Variants in MALRD1 observed in about 807,000 individuals in gnomAD.
MALRD1 encodes the protein MAM and LDL-receptor class A domain-containing protein 1.
Under a neutral mutation model 242.1 loss-of-function variants are expected in MALRD1, and 247 were observed. That is an observed-to-expected ratio of 1.02 (90% CI 0.92 to 1.13). The LOEUF (loss-of-function observed/expected upper bound fraction) is 1.13, where lower values mean the gene tolerates loss of function less well. Ranked by LOEUF, MALRD1 falls within the 50% of genes most tolerant of loss-of-function variation. The probability of loss-of-function intolerance (pLI) is 0.00; values close to 1 mark genes in which losing one functional copy is unlikely to be tolerated. For missense variants in MALRD1, 2,989 were observed against 2,533.1 expected (o/e 1.18, Z -3.86); for synonymous variants, 995 against 866.6 (o/e 1.15, Z -2.60).
chr10:19,610,600 A>G (rs746667103), intron 35 of MALRD1, among the ~76,000 whole-genome samples: 1 of 152,010 alleles, frequency 6.6e-6, no homozygotes, highest in East Asian at 1.9e-4. Context: ...ATGCATACTT[A>G]TCTGGGACAG....
chr10:19,346,529 C>T (rs918526820), intron 24 of MALRD1, among the ~76,000 whole-genome samples: 6 of 152,146 alleles, frequency 3.9e-5, no homozygotes, highest in Admixed American at 3.9e-4. Context: ...ACTTATTTCA[C>T]TTATGATTTT....
chr10:19,130,661 T>TCCAATAC (rs1833063909), intron 8 of MALRD1, among the ~76,000 whole-genome samples: 1 of 150,830 alleles, frequency 6.6e-6, no homozygotes. Flanking sequence ...TGTATTTAAT[T>TCCAATAC]ATGAATGTAT....
Position 19,181,895 on chromosome 10 carries a change from G to A in MALRD1, c.1951+6567G>A, listed in dbSNP as rs186503664. 1.2e-3 allele frequency among the ~76,000 whole-genome samples: 179 copies of A among 152,116 alleles called. 1 individual carries two copies. The highest frequency in any genetic ancestry group is 2.3e-3 in the Non-Finnish European group (153 of 67,988). On this transcript the variant is annotated intron_variant, in intron 14 of 39. Coordinates refer to ENST00000454679, the MANE Select transcript of MALRD1 (RefSeq NM_001142308.3). ...TTAAGAAAAGAAGCTTAGTCTATTA[G>A]GTAAGAAATGTATCGATTTAATAGT...
chr10:19,586,695 C>T lies in MALRD1; in HGVS notation c.5681-8499C>T, dbSNP rs534028026. ...TGTCTTTTTGTTTGTCTGTGCCCTG[C>T]CCCCAGAGGTGGAGCCTACAGAGGC... On this transcript the variant is annotated intron_variant, in intron 33 of 39. Coordinates refer to ENST00000454679, the MANE Select transcript of MALRD1 (RefSeq NM_001142308.3). Among the ~76,000 whole-genome samples, 639 of 152,330 alleles carry T rather than the reference C, an allele frequency of 4.2e-3. 2 individuals are homozygous for T. Among genetic ancestry groups the T allele is most frequent in the Admixed American group, 5.9e-3 (91 of 15,306 alleles).
chr10:19,459,334 G>A (rs1217934070), intron 29 of MALRD1, among the ~76,000 whole-genome samples: 1 of 152,100 alleles, frequency 6.6e-6, no homozygotes, highest in African/African-American at 2.4e-5. Flanking sequence ...CGAAGAGGTG[G>A]AGATAGTCTT....
At chr10:19,110,518 C>T (rs1836640349) in intron 5 of MALRD1, among the ~76,000 whole-genome samples, 1 of 152,154 alleles carries the variant, frequency 6.6e-6, no homozygotes, top group Non-Finnish European at 1.5e-5. Context: ...AAGTGTCGTC[C>T]TCAATGCTGT....
chr10:19,171,214 C>CA (rs1045208928), intron 13 of MALRD1, among the ~76,000 whole-genome samples: 111 of 151,076 alleles, frequency 7.3e-4, no homozygotes, highest in African/African-American at 2.6e-3. Flanking sequence ...AACAAGATCC[C>CA]AAAAAATAGT....
intron 19 of MALRD1, among the ~76,000 whole-genome samples, chr10:19,258,871 C>A (rs1028262168): frequency 6.6e-6 from 1 of 152,168 alleles, no homozygotes; most frequent in Non-Finnish European, 1.5e-5. Context: ...CCTGCCACTC[C>A]TGTATACCTC....
intron 28 of MALRD1, among the ~76,000 whole-genome samples, chr10:19,419,907 T>C (rs1371122492): frequency 6.6e-6 from 1 of 151,952 alleles, no homozygotes; most frequent in African/African-American, 2.4e-5. Context: ...AGGAAAAAAA[T>C]AAAAAGAAGA....
chr10:19,670,093 A>ACACACAAACAC (rs1564529476), intron 36 of MALRD1, among the ~76,000 whole-genome samples: 3 of 115,112 alleles, frequency 2.6e-5, no homozygotes, highest in African/African-American at 9.3e-5. Flanking sequence ...CACACACACA[A>ACACACAAACAC]ACACACACAC....
intron 28 of MALRD1, among the ~76,000 whole-genome samples, chr10:19,398,527 T>G (rs1846688256): frequency 6.6e-6 from 1 of 152,232 alleles, no homozygotes; most frequent in Middle Eastern, 3.4e-3. Context: ...TTACTATTGG[T>G]GAGGAAGTCA....
At chr10:19,623,014 C>G (rs1839472665) in intron 36 of MALRD1, among the ~76,000 whole-genome samples, 1 of 152,006 alleles carries the variant, frequency 6.6e-6, no homozygotes, top group Admixed American at 6.6e-5. Flanking sequence ...ATAATCTTCA[C>G]TTAAATCAGA....
chr10:19,599,764 C>T (rs992876037), intron 34 of MALRD1, among the ~76,000 whole-genome samples: 1 of 152,084 alleles, frequency 6.6e-6, no homozygotes, highest in Non-Finnish European at 1.5e-5. Flanking sequence ...GTTCAGTTGC[C>T]TGAGCCTAGA....
intron 33 of MALRD1, among the ~76,000 whole-genome samples, chr10:19,586,313 A>T (rs1051044209): frequency 6.6e-6 from 1 of 151,840 alleles, no homozygotes; most frequent in African/African-American, 2.4e-5. Context: ...TGCTTTTTAG[A>T]GTTTCCAGTT....
At chr10:19,333,932 C>G (rs996442997) in intron 24 of MALRD1, among the ~76,000 whole-genome samples, 1 of 151,390 alleles carries the variant, frequency 6.6e-6, no homozygotes, top group Non-Finnish European at 1.5e-5. Context: ...GTTTGTTGCC[C>G]CTTGTTTGTC....
In MALRD1 at chr10:19,692,321, G is replaced by C. The variant is rs1431700312; in HGVS notation, c.6177G>C (p.Lys2059Asn). The change falls in exon 37 of 40, where the codon AAG becomes AAC. Residue 2059 changes from lysine (K) to asparagine (N), a missense_variant. Coordinates refer to ENST00000454679, the MANE Select transcript of MALRD1 (RefSeq NM_001142308.3). ...QGWKGNRCHI[K>N]FNPPATDFTY... ...GGAAAGGAAATCGATGCCATATCAAGTTTAATCCTCCTGCTACAGACTTCA... is the reference window on the plus strand; with the variant it reads ...GGAAAGGAAATCGATGCCATATCAACTTTAATCCTCCTGCTACAGACTTCA... The C allele has an allele frequency of 6.5e-7, 1 of 1,535,222 alleles. No homozygotes were observed. The highest frequency in any genetic ancestry group is 1.4e-5 in the African/African-American group (1 of 72,998).
At chr10:19,402,196 G>T (rs1305860042) in intron 28 of MALRD1, among the ~76,000 whole-genome samples, 1 of 152,124 alleles carries the variant, frequency 6.6e-6, no homozygotes, top group Non-Finnish European at 1.5e-5. Flanking sequence ...TATCTTTTGA[G>T]AGAGCAAGTT....
At chr10:19,524,925 T>C (rs953481809) in intron 31 of MALRD1, among the ~76,000 whole-genome samples, 6 of 151,276 alleles carry the variant, frequency 4.0e-5, no homozygotes, top group Non-Finnish European at 8.8e-5. Flanking sequence ...TATTTTGAGA[T>C]GGAGTTTTGC....
chr10:19,654,312 A>T (rs1178704925), intron 36 of MALRD1, among the ~76,000 whole-genome samples: 1 of 152,186 alleles, frequency 6.6e-6, no homozygotes, highest in Non-Finnish European at 1.5e-5. Flanking sequence ...AGCATGTCTT[A>T]TTAACAAGAT....
Sources: allele counts gnomAD v4.1 joint callset (sites outside exome capture counted in the v4.1 genomes callset), GRCh38; gene constraint gnomAD v4.1.1; transcripts MANE v1.5; gene names NCBI Gene and HGNC (gene_info 2026-07-23, HGNC 2026-07-21).